AGL: variants seen among roughly 807,000 people sequenced by gnomAD.
AGL encodes amylo-alpha-1,6-glucosidase and 4-alpha-glucanotransferase.
In AGL, 128 loss-of-function variants were observed where a neutral mutation model predicts 199.3. The ratio of observed to expected loss-of-function variants is 0.64; its 90% confidence interval spans 0.56 to 0.74. The LOEUF is 0.74. AGL is among the 30% of genes least tolerant of loss of function. The probability of loss-of-function intolerance (pLI) is 0.00; values close to 1 mark genes in which losing one functional copy is unlikely to be tolerated. For missense variants in AGL, 1,809 were observed against 1,820.8 expected (o/e 0.99, Z 0.12); for synonymous variants, 584 against 594.7 (o/e 0.98, Z 0.26).
In AGL at chr1:99,887,973, C is replaced by A; in HGVS notation, c.2682-5C>A. 6.2e-7 allele frequency: 1 copy of A among 1,612,962 alleles called. No individual in the cohort carries two copies. The highest frequency in any genetic ancestry group is 8.5e-7 in the Non-Finnish European group (1 of 1,179,340). ...ATATGGTTATCTTTATTTTCCAATTCTTAGTCTTGCCTCCAGATTAACTTT... is the reference window on the plus strand; with the variant it reads ...ATATGGTTATCTTTATTTTCCAATTATTAGTCTTGCCTCCAGATTAACTTT... On this transcript the variant is annotated splice_region_variant and splice_polypyrimidine_tract_variant and intron_variant, in intron 20 of 33. Transcript: ENST00000361915.
chr1:99,864,676 GAAA>G, intron 5 of AGL, 87 bp downstream of exon 5: 1 of 1,236,788 alleles, frequency 8.1e-7, no homozygotes, highest in African/African-American at 1.5e-5. Context: ...AAGGAAGAAA[GAAA>G]GAGAAAGGAA....
chr1:99,858,465 T>G (rs1218722538), intron 2 of AGL, among the ~76,000 whole-genome samples: 1 of 152,190 alleles, frequency 6.6e-6, no homozygotes, highest in African/African-American at 2.4e-5. Flanking sequence ...TTGGAGCGAC[T>G]CAACTCCCAT....
intron 21 of AGL, 77 bp from the exon 22 acceptor site, chr1:99,891,143 G>A: frequency 6.3e-7 from 1 of 1,575,730 alleles, no homozygotes; most frequent in Non-Finnish European, 8.7e-7. Flanking sequence ...ATAGAGACTA[G>A]CAGAATAGGG....
At chr1:99,903,169 G>A (rs1653979848) in intron 27 of AGL, among the ~76,000 whole-genome samples, 1 of 151,942 alleles carries the variant, frequency 6.6e-6, no homozygotes, top group African/African-American at 2.4e-5. Flanking sequence ...TAAATTCTAG[G>A]GTACAGGTGC....
At position 99,913,507 on chromosome 1, in the gene AGL, T is replaced by C. The variant is rs1176274550; in HGVS notation, c.3950-20T>C. On this transcript the variant is annotated intron_variant, in intron 29 of 33. Transcript: ENST00000361915. ...TTGTTTTGAATGATTAAAACTACCATGTCTTATGTCATTTTTCAGGAAAGG... is the reference window on the plus strand; with the variant it reads ...TTGTTTTGAATGATTAAAACTACCACGTCTTATGTCATTTTTCAGGAAAGG... 6.4e-7 allele frequency: 1 copy of C among 1,569,970 alleles called. No homozygotes were observed. Among genetic ancestry groups the C allele is most frequent in the Non-Finnish European group, 8.8e-7 (1 of 1,141,152 alleles).
At chr1:99,882,080 A>G (rs953550277) in intron 17 of AGL, among the ~76,000 whole-genome samples, 2 of 151,598 alleles carry the variant, frequency 1.3e-5, no homozygotes, top group African/African-American at 2.4e-5. Flanking sequence ...CAGTGGTTAC[A>G]CTGAGTCCAG....
intron 6 of AGL, 41 bp downstream of exon 6, chr1:99,870,622 A>G (rs754816772): frequency 2.7e-5 from 43 of 1,604,946 alleles, no homozygotes; most frequent in Non-Finnish European, 3.5e-5. Context: ...AACAGAAAAA[A>G]TTTCTAAAGC....
chr1:99,865,588 C>T (rs993003399), intron 5 of AGL, among the ~76,000 whole-genome samples: 4 of 152,210 alleles, frequency 2.6e-5, no homozygotes, highest in South Asian at 2.1e-4. Context: ...CCTGACAAAG[C>T]GTGGCCATCA....
At position 99,910,777 on chromosome 1, in the gene AGL, T is replaced by G. The variant is rs1245085766; in HGVS notation, c.3766T>G (p.Cys1256Gly). 1 of 1,613,066 alleles carries G rather than the reference T, an allele frequency of 6.2e-7. No individual in the cohort carries two copies. Among genetic ancestry groups the G allele is most frequent in the East Asian group, 2.2e-5 (1 of 44,794 alleles). ...GFVYGGNRFNCGTWMDKMGES... is the reference protein window; with the variant it reads ...GFVYGGNRFNGGTWMDKMGES... ...TGTTTATGGAGGAAATCGTTTCAAT[T>G]GTGGCACATGGATGGATAAAATGGG... is the stretch of plus-strand genomic sequence containing the variant. Residue 1256 changes from cysteine (C) to glycine (G), a missense_variant, in exon 28 of 34, where the codon TGT becomes GGT. By Grantham distance (159) the Cys-to-Gly change is radical (BLOSUM62 -3). Coordinates refer to ENST00000361915, the MANE Select transcript of AGL (RefSeq NM_000642.3).
In AGL at chr1:99,921,630, T is replaced by C; in HGVS notation, c.4578T>C (p.Leu1526=). 1 of 1,608,806 alleles carries C rather than the reference T, an allele frequency of 6.2e-7. No homozygotes were observed. The highest frequency in any genetic ancestry group is 8.5e-7 in the Non-Finnish European group (1 of 1,175,592). ...ETQAWSIATI[L]ETLYDL ...AAGCCTGGTCAATTGCTACTATTCT[T>C]GAGACACTTTATGATTTATAGTTTA... Residue 1526 remains leucine, a synonymous_variant, in exon 34 of 34, where the codon CTT becomes CTC. Transcript: ENST00000361915.
chr1:99,919,448 T>C (rs1196617600), intron 33 of AGL, among the ~76,000 whole-genome samples: 5 of 152,208 alleles, frequency 3.3e-5, no homozygotes, highest in African/African-American at 4.8e-5. Context: ...CAGCCTGGAA[T>C]TGGGCAATTC....
chr1:99,891,195 G>T, intron 21 of AGL, 25 bp from the exon 22 acceptor site: 2 of 1,613,114 alleles, frequency 1.2e-6, no homozygotes, highest in Non-Finnish European at 1.7e-6. Flanking sequence ...CAATAATACA[G>T]CATGACATGT....
chr1:99,920,596 A>G (rs1378507840), intron 33 of AGL, among the ~76,000 whole-genome samples: 1 of 152,186 alleles, frequency 6.6e-6, no homozygotes, highest in East Asian at 1.9e-4. Context: ...TGTTTCTATG[A>G]CAGTTTTTTA....
At chr1:99,867,883 A>G (rs978566325) in intron 5 of AGL, among the ~76,000 whole-genome samples, 8 of 152,178 alleles carry the variant, frequency 5.3e-5, no homozygotes, top group African/African-American at 1.7e-4. Context: ...TTCTCCACCC[A>G]GCCCCTACTT....
chr1:99,859,433 T>C (rs147983537), intron 2 of AGL, among the ~76,000 whole-genome samples: 2,289 of 152,266 alleles, frequency 0.015, 33 homozygotes, highest in Middle Eastern at 0.088. Flanking sequence ...TATTATGGTG[T>C]ATGTACTCTA....
At chr1:99,865,164 A>AT (rs1557750198) in intron 5 of AGL, among the ~76,000 whole-genome samples, 2 of 149,472 alleles carry the variant, frequency 1.3e-5, no homozygotes, top group East Asian at 4.0e-4. Context: ...ACAAAATATC[A>AT]AAATATATAT....
In AGL at chr1:99,896,974, G is replaced by A. The variant is rs368422565; in HGVS notation, c.3362+586G>A. Among the ~76,000 whole-genome samples, 539 of 152,102 alleles carry A rather than the reference G, an allele frequency of 3.5e-3. 4 individuals are homozygous for A. The highest frequency in any genetic ancestry group is 0.012 in the African/African-American group (512 of 41,484). ...TGAGATTACAGGCGCCCGCCACCAC[G>A]CCCAGCTAATTTTTGTATTTCTAGT... On this transcript the variant is annotated intron_variant, in intron 25 of 33. Transcript: ENST00000361915.
intron 11 of AGL, 142 bp downstream of exon 11, chr1:99,876,739 A>G: frequency 2.0e-6 from 2 of 1,011,990 alleles, no homozygotes; most frequent in Non-Finnish European, 3.0e-6. Context: ...AGATACATAC[A>G]ATTTGAGAAA....
At chr1:99,911,461 AAGAG>A (rs1654747255) in intron 28 of AGL, among the ~76,000 whole-genome samples, 1 of 151,808 alleles carries the variant, frequency 6.6e-6, no homozygotes, top group Non-Finnish European at 1.5e-5. Flanking sequence ...TTTTTTTTGA[AAGAG>A]AGAGCCTCAC....
Sources: gnomAD v4.1 joint callset for allele counts (sites outside exome capture counted in the v4.1 genomes callset) on GRCh38, gnomAD v4.1.1 for gene constraint, MANE v1.5 for transcripts, NCBI Gene and HGNC (gene_info 2026-07-23, HGNC 2026-07-21) for gene names.